Variants in ATG7 observed in about 807,000 individuals in gnomAD.
ATG7 encodes ubiquitin-like modifier-activating enzyme ATG7.
Under a neutral mutation model 82.4 loss-of-function variants are expected in ATG7, and 70 were observed. The ratio of observed to expected loss-of-function variants is 0.85; its 90% CI spans 0.70 to 1.04. The LOEUF is 1.04. ATG7 is among the 50% of genes least tolerant of loss of function. The probability of loss-of-function intolerance (pLI) is 0.00; values close to 1 mark genes in which losing one functional copy is unlikely to be tolerated. For synonymous variants in ATG7, 287 were observed against 313.0 expected, an observed-to-expected ratio of 0.92 and a Z score of 0.88; for missense variants, 792 against 864.3, an observed-to-expected ratio of 0.92 and a Z score of 1.05.
chr3:11,459,159 A>AG (rs2086056161), intron 20 of ATG7, among the ~76,000 whole-genome samples: 1 of 123,980 alleles, frequency 8.1e-6, no homozygotes, highest in Non-Finnish European at 1.6e-5. Context: ...TAAAGTGAGG[A>AG]GGGGGAGTCA....
chr3:11,281,506 C>T (rs902551412), intron 2 of ATG7, among the ~76,000 whole-genome samples: 6 of 152,194 alleles, frequency 3.9e-5, no homozygotes, highest in African/African-American at 1.2e-4. Context: ...GGTGTGGTGG[C>T]TCACGCCTAT....
chr3:11,554,762 C>A, intron 20 of ATG7, 49 bp from the exon 21 acceptor site: 1 of 1,607,666 alleles, frequency 6.2e-7, no homozygotes, highest in Non-Finnish European at 8.5e-7. Context: ...GTGTGCCCCC[C>A]ACCGGGCAGT....
chr3:11,493,541 C>G (rs1337567733), intron 20 of ATG7, among the ~76,000 whole-genome samples: 1 of 152,194 alleles, frequency 6.6e-6, no homozygotes, highest in African/African-American at 2.4e-5. Context: ...GGGGTTTCCA[C>G]TGGGGACCTG....
At chr3:11,384,425 A>G (rs1236831850) in intron 19 of ATG7, among the ~76,000 whole-genome samples, 3 of 152,198 alleles carry the variant, frequency 2.0e-5, no homozygotes, top group African/African-American at 4.8e-5. Flanking sequence ...GGTGTTGACT[A>G]TGCAATAGGT....
At chr3:11,319,957 G>A (rs932014461) in intron 9 of ATG7, among the ~76,000 whole-genome samples, 1 of 152,106 alleles carries the variant, frequency 6.6e-6, no homozygotes, top group South Asian at 2.1e-4. Context: ...AGATCTGATC[G>A]TGTCCCTATC....
chr3:11,308,021 G>T (rs886584095), intron 6 of ATG7, among the ~76,000 whole-genome samples: 1 of 152,166 alleles, frequency 6.6e-6, no homozygotes, highest in African/African-American at 2.4e-5. Context: ...AGCAGGCTCT[G>T]CCCCCACAGG....
intron 9 of ATG7, among the ~76,000 whole-genome samples, chr3:11,329,963 A>AT (rs200064121): frequency 0.018 from 2,789 of 151,804 alleles, 81 homozygotes; most frequent in East Asian, 0.065. Flanking sequence ...GCTTTCTTTG[A>AT]TTTTTTTTGA....
intron 14 of ATG7, among the ~76,000 whole-genome samples, chr3:11,356,928 C>G (rs564898826): frequency 2.0e-5 from 3 of 152,232 alleles, no homozygotes; most frequent in East Asian, 3.9e-4. Context: ...TCCTTTCTGC[C>G]TCAGGTCCTT....
intron 20 of ATG7, among the ~76,000 whole-genome samples, chr3:11,455,244 T>A (rs1420404165): frequency 6.6e-6 from 1 of 152,222 alleles, no homozygotes; most frequent in African/African-American, 2.4e-5. Context: ...GTTATTGATT[T>A]TAAGTAGAAC....
In ATG7 at chr3:11,519,548, T is replaced by G. The variant is rs906749254; in HGVS notation, c.2080-35263T>G. Among the ~76,000 whole-genome samples the G allele has an allele frequency of 1.7e-3, 115 of 66,714 alleles. 1 individual carries two copies. The highest frequency in any genetic ancestry group is 2.3e-3 in the African/African-American group (25 of 10,938). The allele number at this position is 66,714 out of a possible 152,430, so 43.8% of individuals were successfully genotyped here. A position where few individuals can be genotyped will look rare whatever the true frequency, so the allele number is the denominator to read the frequency against. The stretch of plus-strand genomic sequence containing the variant: ...GCAGGCAGTGAGAGGAGTTTTTTTT[T>G]TTTTTTTTTTTTTTTTTTTTTTTTT... On this transcript the variant is annotated intron_variant, in intron 20 of 20. Transcript: ENST00000693202.
intron 20 of ATG7, among the ~76,000 whole-genome samples, chr3:11,502,195 T>TACA (rs1192161154): frequency 6.6e-6 from 1 of 151,828 alleles, no homozygotes; most frequent in East Asian, 1.9e-4. Context: ...ACAAGAACGT[T>TACA]AAATTCTTTT....
At chr3:11,360,844 G>T in intron 16 of ATG7, 60 bp downstream of exon 16, 1 of 1,545,972 alleles carries the variant, frequency 6.5e-7, no homozygotes, top group South Asian at 1.1e-5. Context: ...CACTGAGGCA[G>T]ACCGACTTGG....
intron 9 of ATG7, among the ~76,000 whole-genome samples, chr3:11,330,369 C>T (rs1387420257): frequency 6.6e-6 from 1 of 152,132 alleles, no homozygotes; most frequent in Non-Finnish European, 1.5e-5. Context: ...TCAGTGTGGA[C>T]TCGTAGATAC....
rs1473330868 is a variant in ATG7, at chr3:11,307,030, G to A, written c.303G>A (p.Lys101=). 6.2e-7 allele frequency: 1 copy of A among 1,614,032 alleles called. No homozygotes were observed. Among genetic ancestry groups the A allele is most frequent in the Admixed American group, 1.7e-5 (1 of 60,004 alleles). The part of the protein sequence containing the change: ...NTLESFKTAD[K]KLLLEQAANE... ...TCGAGTCTTTCAAGACTGCAGATAA[G>A]AAGCTCCTTTTGGAACAAGCAGCAA... Residue 101 remains lysine (K), a synonymous_variant, in exon 6 of 21, where the codon AAG becomes AAA. Transcript: ENST00000693202.
intron 20 of ATG7, among the ~76,000 whole-genome samples, chr3:11,489,749 A>C (rs1045563304): frequency 4.0e-5 from 6 of 150,206 alleles, no homozygotes; most frequent in Non-Finnish European, 5.9e-5. Flanking sequence ...GTAGTCATTC[A>C]GGAGCAGGTT....
At chr3:11,325,116 G>T (rs191821086) in intron 9 of ATG7, among the ~76,000 whole-genome samples, 4 of 152,156 alleles carry the variant, frequency 2.6e-5, no homozygotes, top group Non-Finnish European at 2.9e-5. Context: ...GCTATACCAG[G>T]TAGCCCAGGT....
chr3:11,521,905 G>A (rs557300204), intron 20 of ATG7, among the ~76,000 whole-genome samples: 11 of 152,270 alleles, frequency 7.2e-5, no homozygotes, highest in African/African-American at 2.6e-4. Context: ...ACTCTAGACT[G>A]CCGCCGCTGC....
chr3:11,550,084 G>T (rs904275183), intron 20 of ATG7, among the ~76,000 whole-genome samples: 14 of 151,942 alleles, frequency 9.2e-5, no homozygotes, highest in Non-Finnish European at 2.1e-4. Context: ...TTATTAAGTT[G>T]TAAGAGTTCT....
intron 20 of ATG7, among the ~76,000 whole-genome samples, chr3:11,548,881 A>C (rs1464178665): frequency 6.6e-6 from 1 of 152,242 alleles, no homozygotes; most frequent in Non-Finnish European, 1.5e-5. Flanking sequence ...ACAGACTCCT[A>C]AAAGTGAGAC....
Sources: allele counts gnomAD v4.1 joint callset (sites outside exome capture counted in the v4.1 genomes callset), GRCh38; gene constraint gnomAD v4.1.1; transcripts MANE v1.5; gene names NCBI Gene and HGNC (gene_info 2026-07-23, HGNC 2026-07-21).